PSAP: variants seen among roughly 807,000 people sequenced by gnomAD.
PSAP encodes the protein prosaposin.
Under a neutral mutation model 66.0 loss-of-function variants are expected in PSAP, and 25 were observed. The ratio of observed to expected loss-of-function variants is 0.38; its 90% confidence interval spans 0.28 to 0.53. The LOEUF is 0.53. Ranked by LOEUF, PSAP falls within the 20% of genes least tolerant of loss-of-function variation. The pLI is 0.83. For missense variants in PSAP, 649 were observed against 668.8 expected (o/e 0.97, Z 0.33); for synonymous variants, 273 against 258.9 (o/e 1.05, Z -0.52).
chr10:71,834,965 G>A lies in PSAP; in HGVS notation c.41-460C>T, dbSNP rs139472625. 4.2e-3 allele frequency among the ~76,000 whole-genome samples: 634 copies of A among 152,198 alleles called. 3 individuals are homozygous for A. The highest frequency in any genetic ancestry group is 0.014 in the African/African-American group (599 of 41,532). On this transcript the variant is annotated intron_variant, in intron 1 of 13. Transcript: ENST00000394936. Reference sequence around the variant, plus strand: ...TAAAAAAGAAAAACAGGCTGGGCACGGTGGCTCACGCCTATAATCCCAGCA... The same window carrying A: ...TAAAAAAGAAAAACAGGCTGGGCACAGTGGCTCACGCCTATAATCCCAGCA...
At chr10:71,832,571 A>T (rs755861104) in intron 2 of PSAP, among the ~76,000 whole-genome samples, 1 of 152,212 alleles carries the variant, frequency 6.6e-6, no homozygotes, top group Non-Finnish European at 1.5e-5. Flanking sequence ...CTGCATTTAG[A>T]GAAACCAACT....
intron 1 of PSAP, among the ~76,000 whole-genome samples, chr10:71,846,587 T>C (rs1348372758): frequency 1.3e-5 from 2 of 151,792 alleles, no homozygotes; most frequent in Middle Eastern, 3.2e-3. Flanking sequence ...TAGCCAGGCA[T>C]GGTGGCAGGT....
rs1842919539 is a variant in PSAP, at chr10:71,851,085, CA to C, written c.40+96del. ...GCGCGCGCCCCCTTGCCAACTAGGG[CA>C]GGGGGAGCAGAGGGGCCAGGCCCGG... On this transcript the variant is annotated intron_variant, in intron 1 of 13. Transcript: ENST00000394936. The C allele has an allele frequency of 8.6e-6, 12 of 1,389,240 alleles. No individual in the cohort carries two copies. In the African/African-American group the frequency reaches 1.6e-4, roughly 18 times the overall value. The allele number at this position is 1,389,240 out of a possible 1,614,324, so 86.1% of individuals were successfully genotyped here. A position where few individuals can be genotyped will look rare whatever the true frequency, so the allele number is the denominator to read the frequency against.
At chr10:71,828,587 G>A (rs113565645) in intron 5 of PSAP, among the ~76,000 whole-genome samples, 1 of 152,300 alleles carries the variant, frequency 6.6e-6, no homozygotes, top group Non-Finnish European at 1.5e-5. Flanking sequence ...TGAGGCTGCA[G>A]TGAACCATGA....
At chr10:71,833,823 G>A (rs1014964521) in intron 2 of PSAP, among the ~76,000 whole-genome samples, 2 of 152,246 alleles carry the variant, frequency 1.3e-5, no homozygotes, top group Non-Finnish European at 2.9e-5. Flanking sequence ...CTTCCTCAGT[G>A]TGGTTACAGC....
In PSAP at chr10:71,844,149, T is replaced by G. The variant is rs551984829; in HGVS notation, c.40+7033A>C. On this transcript the variant is annotated intron_variant, in intron 1 of 13. Coordinates refer to ENST00000394936, the MANE Select transcript of PSAP (RefSeq NM_002778.4). ...ACAATATCAAATGTTAACAAGGGCA[T>G]GCAGTAACTGGAAACTGAATACGTT... Among the ~76,000 whole-genome samples the G allele has an allele frequency of 1.1e-4, 17 of 152,356 alleles. No individual in the cohort carries two copies. The East Asian group carries it at 3.3e-3, about 29-fold the overall frequency.
intron 1 of PSAP, among the ~76,000 whole-genome samples, chr10:71,846,868 C>T (rs1389798835): frequency 6.6e-6 from 1 of 152,004 alleles, no homozygotes; most frequent in Non-Finnish European, 1.5e-5. Flanking sequence ...GCAAGGCTTA[C>T]AGCCTGGTAG....
At chr10:71,819,293 T>G (rs1842242444) in intron 11 of PSAP, 172 bp downstream of exon 11, 2 of 1,102,302 alleles carry the variant, frequency 1.8e-6, no homozygotes, top group South Asian at 2.7e-5. Context: ...TACTTCAGGT[T>G]GCTTCCCCCA....
intron 1 of PSAP, among the ~76,000 whole-genome samples, chr10:71,841,697 C>T (rs896440073): frequency 1.3e-5 from 2 of 152,144 alleles, no homozygotes; most frequent in Non-Finnish European, 2.9e-5. Flanking sequence ...ATAGTGAAAC[C>T]CCATTTCTAC....
chr10:71,836,050 T>C (rs1842621256), intron 1 of PSAP, among the ~76,000 whole-genome samples: 1 of 152,004 alleles, frequency 6.6e-6, no homozygotes, highest in African/African-American at 2.4e-5. Context: ...AAAGACTGAG[T>C]CCCACAAAGC....
At chr10:71,832,797 C>T (rs1435241146) in intron 2 of PSAP, among the ~76,000 whole-genome samples, 2 of 151,750 alleles carry the variant, frequency 1.3e-5, no homozygotes, top group Admixed American at 1.3e-4. Flanking sequence ...GCGGGCAGAT[C>T]ACGAGGTCAG....
chr10:71,828,205 T>C, intron 5 of PSAP, 48 bp from the exon 6 acceptor site: 2 of 1,605,436 alleles, frequency 1.2e-6, no homozygotes, highest in South Asian at 2.2e-5. Flanking sequence ...CTCAAATTCC[T>C]AGGAAAACGT....
chr10:71,843,650 G>C (rs185694868), intron 1 of PSAP, among the ~76,000 whole-genome samples: 1 of 152,120 alleles, frequency 6.6e-6, no homozygotes, highest in Non-Finnish European at 1.5e-5. Context: ...TTTATTAGAC[G>C]TCGATGTCCA....
chr10:71,821,941 G>C lies in PSAP; in HGVS notation c.844C>G (p.Leu282Val). ...DEVKEMPMQT[L>V]VPAKVASKNV... ...TTGGAGGCCACTTTGGCGGGGACCA[G>C]AGTCTGCATGGGCATCTCTTTCACC... Residue 282 changes from leucine to valine, a missense_variant, in exon 8 of 14, where the codon CTG becomes GTG. Transcript: ENST00000394936. 1 of 1,614,204 alleles carries C rather than the reference G, an allele frequency of 6.2e-7. No individual in the cohort carries two copies. The highest frequency in any genetic ancestry group is 8.5e-7 in the Non-Finnish European group (1 of 1,180,038).
chr10:71,834,409 T>A lies in PSAP; in HGVS notation c.137A>T (p.Lys46Met), dbSNP rs1429975001. Reference protein sequence around the residue: ...VKTASDCGAVKHCLQTVWNKP... With the variant: ...VKTASDCGAVMHCLQTVWNKP... ...GTTCCAAACGGTCTGCAGGCAGTGC[T>A]TCACTGCCCCGCAGTCGGACGCCGT... The change falls in exon 2 of 14, where the codon AAG becomes ATG. Residue 46 changes from lysine to methionine, a missense_variant. By Grantham distance (95) the Lys-to-Met change is moderately conservative. Coordinates refer to ENST00000394936, the MANE Select transcript of PSAP (RefSeq NM_002778.4). 1.9e-6 allele frequency: 3 copies of A among 1,614,066 alleles called. No individual in the cohort carries two copies. Among genetic ancestry groups the A allele is most frequent in the Non-Finnish European group, 2.5e-6 (3 of 1,180,016 alleles).
chr10:71,821,933 G>A lies in PSAP; in HGVS notation c.852C>T (p.Pro284=), dbSNP rs370435627. ...VKEMPMQTLV[P]AKVASKNVIP... ...TGACATTCTTGGAGGCCACTTTGGC[G>A]GGGACCAGAGTCTGCATGGGCATCT... The change falls in exon 8 of 14, where the codon CCC becomes CCT. Residue 284 remains proline (P), a synonymous_variant. Transcript: ENST00000394936. 6.0e-5 allele frequency: 97 copies of A among 1,614,060 alleles called. No individual in the cohort carries two copies. Among genetic ancestry groups the A allele is most frequent in the South Asian group, 1.8e-4 (16 of 91,092 alleles).
rs142272618 is a variant in PSAP, at chr10:71,828,883, C to T, written c.570G>A (p.Gln190=). The T allele has an allele frequency of 2.4e-5, 39 of 1,613,954 alleles. No homozygotes were observed. The East Asian group carries it at 7.1e-4, about 30-fold the overall frequency. Reference sequence around the variant, plus strand: ...GGCCAGCCCGTTGTCTTACCTTTGGCTGGGGCTTGCTGCGGGGGCCGTCCT... The same window carrying T: ...GGCCAGCCCGTTGTCTTACCTTTGGTTGGGGCTTGCTGCGGGGGCCGTCCT... ...YPQDGPRSKP[Q]PKDNGDVCQD... Residue 190 remains glutamine (Q), a synonymous_variant, in exon 5 of 14, where the codon CAG becomes CAA. Coordinates refer to ENST00000394936, the MANE Select transcript of PSAP (RefSeq NM_002778.4).
chr10:71,819,000 C>T (rs760225145), intron 12 of PSAP, 31 bp downstream of exon 12: 8 of 1,600,250 alleles, frequency 5.0e-6, no homozygotes, highest in Non-Finnish European at 6.8e-6. Context: ...TACAGCTGCC[C>T]GAGAGGACCA....
chr10:71,824,146 G>A (rs1471024507), intron 7 of PSAP, among the ~76,000 whole-genome samples: 1 of 152,126 alleles, frequency 6.6e-6, no homozygotes, highest in Non-Finnish European at 1.5e-5. Flanking sequence ...CCTGCTCTGT[G>A]TGCACCATCT....
Sources: gnomAD v4.1 joint callset for allele counts (sites outside exome capture counted in the v4.1 genomes callset) on GRCh38, gnomAD v4.1.1 for gene constraint, MANE v1.5 for transcripts, NCBI Gene and HGNC (gene_info 2026-07-23, HGNC 2026-07-21) for gene names.